ASAP3: variants seen among roughly 807,000 people sequenced by gnomAD.
ASAP3 encodes the protein ArfGAP with SH3 domain, ankyrin repeat and PH domain 3.
A neutral mutation model predicts 118.2 loss-of-function variants in ASAP3; 85 were observed. The ratio of observed to expected loss-of-function variants is 0.72; its 90% CI spans 0.60 to 0.86. The LOEUF (loss-of-function observed/expected upper bound fraction) is 0.86. Ranked by LOEUF, ASAP3 falls within the 40% of genes least tolerant of loss-of-function variation. ASAP3 has a pLI of 0.00. For synonymous variants in ASAP3, 432 were observed against 477.4 expected, an observed-to-expected ratio of 0.90 and a Z score of 1.24; for missense variants, 1,026 against 1,175.0, an observed-to-expected ratio of 0.87 and a Z score of 1.85.
At position 23,456,152 on chromosome 1, in the gene ASAP3, C is replaced by A; in HGVS notation, c.172G>T (p.Ala58Ser). The change falls in exon 2 of 25, where the codon GCT (alanine) becomes TCT (serine). Residue 58 changes from alanine to serine, a missense_variant. By Grantham distance (99) the Ala-to-Ser change is moderately conservative. Coordinates refer to ENST00000336689, the MANE Select transcript of ASAP3 (RefSeq NM_017707.4). ...CCGGAGCTATGGATTGCCCGCACAG[C>A]CTTCTTTATTCTCTGCAGGATGGCT... ...DQAILQRIKK[A>S]VRAIHSSGLG... 1 of 1,614,110 alleles carries A rather than the reference C, an allele frequency of 6.2e-7. No homozygotes were observed. The highest frequency in any genetic ancestry group is 8.5e-7 in the Non-Finnish European group (1 of 1,180,022).
At chr1:23,463,454 T>C (rs938109060) in intron 1 of ASAP3, among the ~76,000 whole-genome samples, 1 of 152,042 alleles carries the variant, frequency 6.6e-6, no homozygotes, top group Non-Finnish European at 1.5e-5. Flanking sequence ...GAAAGGAAGG[T>C]ATTTTGAGGA....
intron 5 of ASAP3, among the ~76,000 whole-genome samples, chr1:23,445,211 T>G (rs945256866): frequency 3.3e-5 from 5 of 152,092 alleles, no homozygotes; most frequent in African/African-American, 1.2e-4. Flanking sequence ...TAGGGAGGGC[T>G]GGGCGTGGAA....
At chr1:23,480,676 CCATAGAGATGGCA>C (rs1205947984) in intron 1 of ASAP3, among the ~76,000 whole-genome samples, 1 of 152,176 alleles carries the variant, frequency 6.6e-6, no homozygotes, top group African/African-American at 2.4e-5. Context: ...TCCTTTATGT[CCATAGAGATGGCA>C]CAGAGAGCTG....
chr1:23,443,608 G>A (rs528640224), intron 5 of ASAP3, among the ~76,000 whole-genome samples: 2 of 151,524 alleles, frequency 1.3e-5, no homozygotes, highest in South Asian at 4.2e-4. Context: ...TCAGCTCACT[G>A]CAACCTCCAC....
rs145664481 is a variant in ASAP3 at position 23,474,452 on chromosome 1, G to A, written c.129+9553C>T. Among the ~76,000 whole-genome samples the A allele has an allele frequency of 4.0e-4, 61 of 152,144 alleles. 1 individual carries two copies. The East Asian group carries it at 9.6e-3, about 24-fold the overall frequency. ...TTCCTTCCTTCCCCACTGACAGCCCGTTCTTGGTCTCCTTTATTAATTCCT... is the reference window on the plus strand; with the variant it reads ...TTCCTTCCTTCCCCACTGACAGCCCATTCTTGGTCTCCTTTATTAATTCCT... On this transcript the variant is annotated intron_variant, in intron 1 of 24. Coordinates refer to ENST00000336689, the MANE Select transcript of ASAP3 (RefSeq NM_017707.4).
At chr1:23,449,902 G>A (rs1300952906) in intron 5 of ASAP3, among the ~76,000 whole-genome samples, 2 of 152,206 alleles carry the variant, frequency 1.3e-5, no homozygotes, top group East Asian at 1.9e-4. Flanking sequence ...GACGATCCCC[G>A]AAAGTCTAAC....
chr1:23,439,043 C>A, intron 11 of ASAP3, 118 bp downstream of exon 11: 1 of 1,336,110 alleles, frequency 7.5e-7, no homozygotes, highest in Non-Finnish European at 1.1e-6. Flanking sequence ...GGGTCTCCAG[C>A]TCCCTGGACC....
At chr1:23,435,786 C>T in intron 17 of ASAP3, 65 bp downstream of exon 17, 2 of 1,585,854 alleles carry the variant, frequency 1.3e-6, no homozygotes, top group South Asian at 2.2e-5. Context: ...ACAGCTGGTC[C>T]TGGAGAAGAA....
Position 23,442,170 on chromosome 1 carries a change from G to A in ASAP3, c.671+16C>T, listed in dbSNP as rs747024729. The A allele has an allele frequency of 6.1e-5, 97 of 1,584,212 alleles. No individual in the cohort carries two copies. The highest frequency in any genetic ancestry group is 8.2e-5 in the Non-Finnish European group (95 of 1,165,630). ...CACTGGAAGGGTTAGTGGCAGGGAC[G>A]CGGGAAGATACCTACTTGTGCTGGG... On this transcript the variant is annotated intron_variant, in intron 7 of 24. Transcript: ENST00000336689.
rs1462141855 is a variant in ASAP3, at chr1:23,441,403, T to G, written c.818A>C (p.Gln273Pro). 2 of 1,614,132 alleles carry G rather than the reference T, an allele frequency of 1.2e-6. No individual in the cohort carries two copies. Among genetic ancestry groups the G allele is most frequent in the Non-Finnish European group, 1.7e-6 (2 of 1,180,018 alleles). Reference protein sequence around the residue: ...QLRDSLRGTLQLESREEHLSR... With the variant: ...QLRDSLRGTLPLESREEHLSR... ...GGGGCTGACCTCTCTGCTCTCAAGCTGCAGTGTCCCTCGGAGGGAGTCCCG... is the reference window on the plus strand; with the variant it reads ...GGGGCTGACCTCTCTGCTCTCAAGCGGCAGTGTCCCTCGGAGGGAGTCCCG... Residue 273 changes from glutamine to proline, a missense_variant, in exon 9 of 25, where the codon CAG becomes CCG. Coordinates refer to ENST00000336689, the MANE Select transcript of ASAP3 (RefSeq NM_017707.4).
intron 19 of ASAP3, among the ~76,000 whole-genome samples, chr1:23,434,036 G>C (rs561419178): frequency 1.3e-5 from 2 of 152,190 alleles, no homozygotes; most frequent in Non-Finnish European, 2.9e-5. Context: ...AGTACTCCCA[G>C]AAATATTATT....
chr1:23,473,976 T>TTTTTTTTC (rs1314277238), intron 1 of ASAP3, among the ~76,000 whole-genome samples: 11 of 117,106 alleles, frequency 9.4e-5, no homozygotes, highest in Admixed American at 1.7e-4. Flanking sequence ...AATCTGCTCT[T>TTTTTTTTC]TTTTTTTTTT....
chr1:23,479,872 A>G (rs1012599796), intron 1 of ASAP3: 4 of 152,212 alleles, frequency 2.6e-5, no homozygotes, highest in African/African-American at 7.2e-5. Flanking sequence ...GTTTTAAATT[A>G]CTTATTACAA....
At position 23,433,497 on chromosome 1, in the gene ASAP3, A is replaced by C; in HGVS notation, c.2055T>G (p.Pro685=). ...EQAQAGTFAF[P]LHVDYSWVIS... ...TTACCCAGGAGTAGTCCACATGTAGAGGGAAGGCAAAGGTCCCCGCCTGGG... is the reference window on the plus strand; with the variant it reads ...TTACCCAGGAGTAGTCCACATGTAGCGGGAAGGCAAAGGTCCCCGCCTGGG... Residue 685 remains proline, a synonymous_variant, in exon 21 of 25, where the codon CCT becomes CCG. Transcript: ENST00000336689. 1 of 1,614,154 alleles carries C rather than the reference A, an allele frequency of 6.2e-7. No homozygotes were observed. Among genetic ancestry groups the C allele is most frequent in the Non-Finnish European group, 8.5e-7 (1 of 1,180,030 alleles).
At chr1:23,468,048 G>GAC (rs905058570) in intron 1 of ASAP3, among the ~76,000 whole-genome samples, 1 of 151,798 alleles carries the variant, frequency 6.6e-6, no homozygotes, top group African/African-American at 2.4e-5. Flanking sequence ...CACCATTTCA[G>GAC]ACACACAGCA....
intron 1 of ASAP3, among the ~76,000 whole-genome samples, chr1:23,478,187 G>A (rs1489351205): frequency 6.6e-6 from 1 of 152,208 alleles, no homozygotes; most frequent in Non-Finnish European, 1.5e-5. Context: ...TTAAACTGCT[G>A]GGCACAGTGG....
chr1:23,449,859 C>T (rs1192529823), intron 5 of ASAP3, among the ~76,000 whole-genome samples: 1 of 152,206 alleles, frequency 6.6e-6, no homozygotes, highest in Non-Finnish European at 1.5e-5. Flanking sequence ...TTGGGAAGGT[C>T]AGCAGAGTAG....
chr1:23,475,945 C>T (rs1277079224), intron 1 of ASAP3, among the ~76,000 whole-genome samples: 1 of 150,572 alleles, frequency 6.6e-6, no homozygotes, highest in Non-Finnish European at 1.5e-5. Flanking sequence ...AGAAGGAGAC[C>T]CTGTCTCTAA....
At chr1:23,474,365 C>CCGAGCACCCCTTCTCCT (rs1570411285) in intron 1 of ASAP3, among the ~76,000 whole-genome samples, 2 of 152,214 alleles carry the variant, frequency 1.3e-5, no homozygotes, top group East Asian at 3.9e-4. Context: ...TCTAACAGAG[C>CCGAGCACCCCTTCTCCT]CGAGCACCCC....
Sources: gnomAD v4.1 joint callset for allele counts (sites outside exome capture counted in the v4.1 genomes callset) on GRCh38, gnomAD v4.1.1 for gene constraint, MANE v1.5 for transcripts, NCBI Gene and HGNC (gene_info 2026-07-23, HGNC 2026-07-21) for gene names.